Variants in AIFM3 observed in about 807,000 individuals in gnomAD.
AIFM3 encodes AIF family member 3, also known as apoptosis-inducing factor 3.
A neutral mutation model predicts 82.7 loss-of-function variants in AIFM3; 71 were observed. The observed-to-expected ratio is 0.86, with a 90% CI of 0.71 to 1.05. The LOEUF is 1.05. Among genes scored for constraint, AIFM3 ranks in the 50% least tolerant of loss-of-function variants. The probability of loss-of-function intolerance (pLI) is 0.00; values close to 1 mark genes in which losing one functional copy is unlikely to be tolerated. For synonymous variants in AIFM3, 337 were observed against 329.1 expected, an observed-to-expected ratio of 1.02 and a Z score of -0.26; for missense variants, 748 against 816.7, an observed-to-expected ratio of 0.92 and a Z score of 1.03.
rs1259685354 is a variant in AIFM3 at position 20,973,438 on chromosome 22, C to A, written c.163C>A (p.Leu55Met). ...CCGCCACTTCCACACGGAGGAGCGC[C>A]TGTCCACCCCTCACCCCTACCCCAG... ...TARHFHTEER[L>M]STPHPYPSPQ... The change falls in exon 3 of 21, where the codon CTG becomes ATG. Residue 55 changes from leucine to methionine, a missense_variant. Around this residue, in one of 5 missense-constraint regions of AIFM3, gnomAD observed 148 missense variants for 134.1 expected, o/e 1.10. Transcript: ENST00000440238. 6 of 1,613,124 alleles carry A rather than the reference C, an allele frequency of 3.7e-6. No individual in the cohort carries two copies. Among genetic ancestry groups the A allele is most frequent in the Middle Eastern group, 1.7e-4 (1 of 5,998 alleles).
chr22:20,977,746 G>A lies in AIFM3; in HGVS notation c.1329G>A (p.Leu443=). The A allele has an allele frequency of 2.5e-6, 4 of 1,614,166 alleles. No individual in the cohort carries two copies. In the South Asian group the frequency reaches 4.4e-5, roughly 18 times the overall value. ...TCCTGAGGCAAAGCGGCATCGGTTTGGATTCCCGAGGCTTCATCCCTGTCA... is the reference window on the plus strand; with the variant it reads ...TCCTGAGGCAAAGCGGCATCGGTTTAGATTCCCGAGGCTTCATCCCTGTCA... ...TGFLRQSGIG[L]DSRGFIPVNK... Residue 443 remains leucine (L), a synonymous_variant, in exon 15 of 21, where the codon TTG becomes TTA. Coordinates refer to ENST00000440238, the MANE Select transcript of AIFM3 (RefSeq NM_001386814.1).
chr22:20,973,284 T>C (rs780787400), intron 2 of AIFM3, 23 bp from the exon 3 acceptor site: 2 of 1,555,794 alleles, frequency 1.3e-6, no homozygotes, highest in Non-Finnish European at 1.7e-6. Flanking sequence ...GGTGGGGGGC[T>C]CAAGGCGCTG....
At chr22:20,966,054 A>G (rs567266497), upstream of AIFM3, among the ~76,000 whole-genome samples, 128 of 152,264 alleles carry the variant, frequency 8.4e-4, no homozygotes, top group Non-Finnish European at 1.7e-3. Context: ...TCTAGCACAC[A>G]GTAGGCCGAA....
In AIFM3 at chr22:20,981,046, G is replaced by A; in HGVS notation, c.*15G>A. On this transcript the variant is annotated 3_prime_UTR_variant, in exon 21 of 21. Transcript: ENST00000440238. ...AAGGATCCTGAGCTCACATGCAGTA[G>A]ACTTGGGCAGGCAAAGGGGGCACCA... The A allele has an allele frequency of 6.2e-7, 1 of 1,614,118 alleles. No individual in the cohort carries two copies. Among genetic ancestry groups the A allele is most frequent in the Middle Eastern group, 1.7e-4 (1 of 6,060 alleles).
chr22:20,977,910 G>A lies in AIFM3; in HGVS notation c.1382G>A (p.Gly461Asp). 6.2e-7 allele frequency: 1 copy of A among 1,614,158 alleles called. No homozygotes were observed. The highest frequency in any genetic ancestry group is 8.5e-7 in the Non-Finnish European group (1 of 1,180,024). The change falls in exon 16 of 21, where the codon GGC becomes GAC. Residue 461 changes from glycine to aspartate, a missense_variant. Physicochemically the swap from Gly to Asp is moderately conservative, Grantham distance 94 (BLOSUM62 -1). Around this residue, in one of 5 missense-constraint regions of AIFM3, gnomAD observed 393 missense variants for 481.1 expected, o/e 0.82. Coordinates refer to ENST00000440238, the MANE Select transcript of AIFM3 (RefSeq NM_001386814.1). ...VNKMMQTNVP[G>D]VFAAGDAVTF... is the part of the protein sequence containing the mutation. ...CAGATGATGCAGACCAATGTCCCAGGCGTGTTTGCAGCTGGCGATGCTGTC... is the reference window on the plus strand; with the variant it reads ...CAGATGATGCAGACCAATGTCCCAGACGTGTTTGCAGCTGGCGATGCTGTC...
chr22:20,967,551 G>A (rs1244554921), intron 1 of AIFM3, among the ~76,000 whole-genome samples: 3 of 152,134 alleles, frequency 2.0e-5, no homozygotes, highest in African/African-American at 7.2e-5. Flanking sequence ...TCCTGGGCAA[G>A]GCAGCCGCGG....
chr22:20,973,069 C>T (rs1409761806), intron 2 of AIFM3, among the ~76,000 whole-genome samples: 1 of 150,288 alleles, frequency 6.7e-6, no homozygotes, highest in Non-Finnish European at 1.5e-5. Context: ...AAAAAAGAGA[C>T]ATGCAGAAAC....
At position 20,977,876 on chromosome 22, in the gene AIFM3, C is replaced by T; in HGVS notation, c.1360-12C>T. The T allele has an allele frequency of 2.5e-6, 4 of 1,614,126 alleles. No individual in the cohort carries two copies. Among genetic ancestry groups the T allele is most frequent in the Non-Finnish European group, 3.4e-6 (4 of 1,179,970 alleles). ...TGTCACACCCATGGAGCTCTGGGCC[C>T]TCTCTCTACAGATGATGCAGACCAA... On this transcript the variant is annotated splice_polypyrimidine_tract_variant and intron_variant, in intron 15 of 20. Coordinates refer to ENST00000440238, the MANE Select transcript of AIFM3 (RefSeq NM_001386814.1).
chr22:20,967,874 G>T lies in AIFM3; in HGVS notation c.-71G>T, dbSNP rs909782533. 1.3e-6 allele frequency: 2 copies of T among 1,577,598 alleles called. No homozygotes were observed. The highest frequency in any genetic ancestry group is 1.7e-6 in the Non-Finnish European group (2 of 1,147,818). ...GGCCTGCAGGGGGTCCAGCCCCATG[G>T]GGGGCGCCCTAGGCCTCCGACAGCT... On this transcript the variant is annotated 5_prime_UTR_variant, in exon 2 of 21. Coordinates refer to ENST00000440238, the MANE Select transcript of AIFM3 (RefSeq NM_001386814.1).
chr22:20,974,031 G>T (rs369532939), intron 4 of AIFM3, 32 bp from the exon 5 acceptor site: 2 of 1,574,044 alleles, frequency 1.3e-6, no homozygotes, highest in African/African-American at 1.3e-5. Flanking sequence ...AACCCCTGCT[G>T]GTGGGCGCAG....
chr22:20,967,871 A>G lies in AIFM3; in HGVS notation c.-74A>G. The G allele has an allele frequency of 6.4e-7, 1 of 1,572,030 alleles. No individual in the cohort carries two copies. Among genetic ancestry groups the G allele is most frequent in the Non-Finnish European group, 8.8e-7 (1 of 1,142,842 alleles). On this transcript the variant is annotated 5_prime_UTR_variant, in exon 2 of 21. The change abolishes an upstream ATG in the 5' untranslated region. Coordinates refer to ENST00000440238, the MANE Select transcript of AIFM3 (RefSeq NM_001386814.1). ...TAAGGCCTGCAGGGGGTCCAGCCCCATGGGGGGCGCCCTAGGCCTCCGACA... is the reference window on the plus strand; with the variant it reads ...TAAGGCCTGCAGGGGGTCCAGCCCCGTGGGGGGCGCCCTAGGCCTCCGACA...
intron 20 of AIFM3, 41 bp from the exon 21 acceptor site, chr22:20,980,951 G>A (rs1215488668): frequency 6.2e-7 from 1 of 1,613,980 alleles, no homozygotes; most frequent in Non-Finnish European, 8.5e-7. Context: ...TGGAGAGCCT[G>A]TTTTCTTCTG....
chr22:20,977,232 C>T (rs1923748804), intron 14 of AIFM3, 137 bp downstream of exon 14: 3 of 1,229,932 alleles, frequency 2.4e-6, no homozygotes, highest in Middle Eastern at 2.7e-4. Flanking sequence ...CCCCAACCGC[C>T]CCCACTTTAC....
chr22:20,969,374 C>T (rs1356691564), intron 2 of AIFM3, among the ~76,000 whole-genome samples: 2 of 152,156 alleles, frequency 1.3e-5, no homozygotes, highest in African/African-American at 4.8e-5. Flanking sequence ...TCTGCATCCT[C>T]ATTGTAAAGT....
intron 14 of AIFM3, chr22:20,977,407 G>C: frequency 1.7e-6 from 1 of 601,788 alleles, no homozygotes; most frequent in Non-Finnish European, 2.9e-6. Context: ...TTGGGTAGGG[G>C]CCAAGATGGG....
At position 20,977,104 on chromosome 22, in the gene AIFM3, G is replaced by GT; in HGVS notation, c.1282+10dup. The GT allele has an allele frequency of 6.2e-7, 1 of 1,613,990 alleles. No individual in the cohort carries two copies. The highest frequency in any genetic ancestry group is 8.5e-7 in the Non-Finnish European group (1 of 1,180,014). On this transcript the variant is annotated intron_variant, in intron 14 of 20. Transcript: ENST00000440238. ...CTGCGTGGTGGGCATTGGTGAGTTG[G>GT]TGTGTGGGCAGGCAGGCACAAAGCA...
intron 19 of AIFM3, 169 bp downstream of exon 19, chr22:20,980,293 T>C: frequency 1.6e-6 from 1 of 636,606 alleles, no homozygotes; most frequent in Non-Finnish European, 2.7e-6. Context: ...GGATCATGGT[T>C]TGAGAGCAGG....
In AIFM3 at chr22:20,976,660, T is replaced by G; in HGVS notation, c.1040T>G (p.Val347Gly). Residue 347 changes from valine to glycine, a missense_variant, in exon 12 of 21, where the codon GTG (valine) becomes GGG (glycine). Physicochemically the swap from Val to Gly is moderately radical, Grantham distance 109. Coordinates refer to ENST00000440238, the MANE Select transcript of AIFM3 (RefSeq NM_001386814.1). ...CCCTGCCCATCACCAGGGATGGAGG[T>G]GGCCGCTTACCTGACGGAGAAGGCC... ...VVGAGFLGME[V>G]AAYLTEKAHS... 1.2e-6 allele frequency: 2 copies of G among 1,610,028 alleles called. No homozygotes were observed. The highest frequency in any genetic ancestry group is 1.7e-6 in the Non-Finnish European group (2 of 1,178,142).
At chr22:20,968,607 G>T (rs79942699) in intron 2 of AIFM3, among the ~76,000 whole-genome samples, 7,746 of 152,154 alleles carry the variant, frequency 0.051, 694 homozygotes, top group African/African-American at 0.18. Context: ...GCTAGGGGAG[G>T]CCTGGGTCTT....
Sources: gnomAD v4.1 joint callset for allele counts (sites outside exome capture counted in the v4.1 genomes callset) on GRCh38, gnomAD v4.1.1 for gene constraint, gnomAD v4.1.1 regional missense constraint, MANE v1.5 for transcripts, NCBI Gene and HGNC (gene_info 2026-07-23, HGNC 2026-07-21) for gene names.